UBE2E2: variants seen among roughly 807,000 people sequenced by gnomAD.
The protein encoded by UBE2E2 is ubiquitin-conjugating enzyme E2 E2.
A neutral mutation model predicts 24.7 loss-of-function variants in UBE2E2; 6 were observed. That is an observed-to-expected ratio of 0.24 (90% CI 0.13 to 0.48). UBE2E2 has a LOEUF of 0.48. UBE2E2 is among the 20% of genes least tolerant of loss of function. The probability of loss-of-function intolerance (pLI) is 0.99; values close to 1 mark genes in which losing one functional copy is unlikely to be tolerated. For synonymous variants in UBE2E2, 104 were observed against 83.6 expected (o/e 1.24, Z -1.33); for missense variants, 169 against 245.0 (o/e 0.69, Z 2.07).
intron 3 of UBE2E2, among the ~76,000 whole-genome samples, chr3:23,329,419 TG>T (rs1173449509): frequency 2.0e-5 from 3 of 152,202 alleles, no homozygotes; most frequent in African/African-American, 7.2e-5. Context: ...GTTTATATTT[TG>T]CCGAAGTATC....
intron 3 of UBE2E2, among the ~76,000 whole-genome samples, chr3:23,327,682 T>A (rs1304071307): frequency 6.6e-6 from 1 of 152,238 alleles, no homozygotes; most frequent in Non-Finnish European, 1.5e-5. Context: ...GGTATGTGAC[T>A]CGTTCTCTTT....
At chr3:23,226,340 A>T (rs1696825818) in intron 3 of UBE2E2, among the ~76,000 whole-genome samples, 1 of 152,160 alleles carries the variant, frequency 6.6e-6, no homozygotes, top group Non-Finnish European at 1.5e-5. Flanking sequence ...GCAAAATCTA[A>T]TTATTGTCAC....
intron 3 of UBE2E2, among the ~76,000 whole-genome samples, chr3:23,324,489 T>C (rs1372352867): frequency 6.6e-6 from 1 of 152,068 alleles, no homozygotes; most frequent in Non-Finnish European, 1.5e-5. Flanking sequence ...CCTCTCTTTC[T>C]TTTACCAGCT....
intron 3 of UBE2E2, among the ~76,000 whole-genome samples, chr3:23,331,872 A>G (rs962095778): frequency 6.6e-6 from 1 of 152,222 alleles, no homozygotes; most frequent in Non-Finnish European, 1.5e-5. Context: ...ACATTTGGTC[A>G]TTTGTGTATA....
chr3:23,485,164 G>T (rs1191563143), intron 3 of UBE2E2, among the ~76,000 whole-genome samples: 1 of 142,444 alleles, frequency 7.0e-6, no homozygotes, highest in African/African-American at 2.6e-5. Flanking sequence ...GCACGATCTT[G>T]GCTCACTGCA....
At chr3:23,476,946 T>C (rs1269637578) in intron 3 of UBE2E2, among the ~76,000 whole-genome samples, 1 of 152,164 alleles carries the variant, frequency 6.6e-6, no homozygotes, top group East Asian at 1.9e-4. Context: ...TTGTGTTAAG[T>C]TCCTTATTGT....
At position 23,445,357 on chromosome 3, in the gene UBE2E2, G is replaced by T. The variant is rs1270404397; in HGVS notation, c.228-54251G>T. On this transcript the variant is annotated intron_variant, in intron 3 of 5. Coordinates refer to ENST00000396703, the MANE Select transcript of UBE2E2 (RefSeq NM_152653.4). ...GATTTGTGCCCAATTCATTTTTCCA[G>T]ACCTCCTTATCACATCATCTTTCAC... 6.6e-5 allele frequency among the ~76,000 whole-genome samples: 10 copies of T among 152,222 alleles called. No homozygotes were observed. The East Asian group carries it at 1.9e-3, about 29-fold the overall frequency.
intron 3 of UBE2E2, among the ~76,000 whole-genome samples, chr3:23,364,887 G>C (rs1176219798): frequency 6.6e-6 from 1 of 152,054 alleles, no homozygotes; most frequent in East Asian, 1.9e-4. Context: ...ATACTAGCAA[G>C]CCAAATTCAG....
intron 2 of UBE2E2, among the ~76,000 whole-genome samples, chr3:23,216,785 C>G (rs544366768): frequency 6.6e-6 from 1 of 152,158 alleles, no homozygotes; most frequent in South Asian, 2.1e-4. Flanking sequence ...CAACCTGGTC[C>G]AAATTAGAGG....
At chr3:23,427,602 A>G (rs2125397296) in intron 3 of UBE2E2, among the ~76,000 whole-genome samples, 1 of 152,342 alleles carries the variant, frequency 6.6e-6, no homozygotes, top group South Asian at 2.1e-4. Flanking sequence ...GCCTAAATAT[A>G]CAAATTAAAT....
intron 3 of UBE2E2, among the ~76,000 whole-genome samples, chr3:23,231,045 C>T (rs1014160538): frequency 2.0e-5 from 3 of 152,060 alleles, no homozygotes; most frequent in Non-Finnish European, 2.9e-5. Context: ...AGAGCTCTAC[C>T]TTTAGAGGAA....
intron 3 of UBE2E2, among the ~76,000 whole-genome samples, chr3:23,330,030 T>G (rs1695016515): frequency 1.3e-5 from 2 of 152,226 alleles, no homozygotes; most frequent in African/African-American, 4.8e-5. Flanking sequence ...TTAAAAATTT[T>G]TATTTCTGTG....
Position 23,589,782 on chromosome 3 carries a change from C to A in UBE2E2, c.557C>A (p.Ala186Glu). The A allele has an allele frequency of 6.2e-7, 1 of 1,614,202 alleles. No individual in the cohort carries two copies. Among genetic ancestry groups the A allele is most frequent in the Non-Finnish European group, 8.5e-7 (1 of 1,180,020 alleles). The stretch of plus-strand genomic sequence containing the variant: ...GCCACACAGTACATGACCAACAGAG[C>A]AGAGCATGACCGGATGGCCAGACAG... The part of the protein sequence containing the change: ...SIATQYMTNR[A>E]EHDRMARQWT... The change falls in exon 6 of 6, where the codon GCA becomes GAA. Residue 186 changes from alanine to glutamate, a missense_variant. Ala to Glu is a moderately radical substitution (Grantham distance 107). This residue lies in a region of UBE2E2 where 105 missense variants were observed against 180.7 expected (regional missense o/e 0.58). Coordinates refer to ENST00000396703, the MANE Select transcript of UBE2E2 (RefSeq NM_152653.4). The surrounding 1 kb of genome is among the most constrained non-coding windows in gnomAD (Gnocchi z 4.1).
At chr3:23,456,559 A>G (rs1018145352) in intron 3 of UBE2E2, among the ~76,000 whole-genome samples, 1 of 152,230 alleles carries the variant, frequency 6.6e-6, no homozygotes, top group African/African-American at 2.4e-5. Flanking sequence ...TCATCTCCTT[A>G]TACATCTCCA....
intron 3 of UBE2E2, among the ~76,000 whole-genome samples, chr3:23,411,707 A>C (rs1383675458): frequency 6.6e-6 from 1 of 152,212 alleles, no homozygotes; most frequent in East Asian, 1.9e-4. Flanking sequence ...ATATCATCTT[A>C]GGCAAGCTAC....
chr3:23,365,355 T>C (rs761494424), intron 3 of UBE2E2, among the ~76,000 whole-genome samples: 47 of 152,278 alleles, frequency 3.1e-4, no homozygotes, highest in Middle Eastern at 3.4e-3. Context: ...TATGGTTCTA[T>C]AACTAGAAAA....
intron 5 of UBE2E2, among the ~76,000 whole-genome samples, chr3:23,541,624 C>A (rs1049287248): frequency 1.3e-5 from 2 of 152,188 alleles, no homozygotes; most frequent in East Asian, 1.9e-4. Context: ...TTAAGAGTAT[C>A]CTACAGGGAA....
chr3:23,240,357 A>G (rs186924562), intron 3 of UBE2E2, among the ~76,000 whole-genome samples: 48 of 152,202 alleles, frequency 3.2e-4, no homozygotes, highest in Middle Eastern at 3.4e-3. Flanking sequence ...TTTTTTTCCT[A>G]TGTGGTAAAT....
chr3:23,297,636 A>G (rs1698948965), intron 3 of UBE2E2, among the ~76,000 whole-genome samples: 1 of 151,914 alleles, frequency 6.6e-6, no homozygotes. Flanking sequence ...GTTCTGTTCC[A>G]TTGGTCTATA....
Sources: allele counts gnomAD v4.1 joint callset (sites outside exome capture counted in the v4.1 genomes callset), GRCh38; gene constraint gnomAD v4.1.1; regional missense constraint gnomAD v4.1.1; non-coding constraint Gnocchi (gnomAD v3.1); transcripts MANE v1.5; gene names NCBI Gene and HGNC (gene_info 2026-07-23, HGNC 2026-07-21).